SETD9: variants seen among roughly 807,000 people sequenced by gnomAD.
The protein encoded by SETD9 is SET domain-containing protein 9.
In SETD9, 37 loss-of-function variants were observed where a neutral mutation model predicts 36.4. The ratio of observed to expected loss-of-function variants is 1.02; its 90% CI spans 0.78 to 1.34. The LOEUF is 1.34. Ranked by LOEUF, SETD9 falls within the 40% of genes most tolerant of loss-of-function variation. The pLI is 0.00. For synonymous variants in SETD9, 128 were observed against 132.9 expected, an observed-to-expected ratio of 0.96 and a Z score of 0.26; for missense variants, 323 against 353.2, an observed-to-expected ratio of 0.91 and a Z score of 0.69.
chr5:56,923,562 C>T (rs150526244), intron 5 of SETD9: 94 of 1,613,838 alleles, frequency 5.8e-5, no homozygotes, highest in East Asian at 8.9e-5. Flanking sequence ...GGGTCGCAGA[C>T]GGTTGCTACA....
chr5:56,923,505 T>C, intron 5 of SETD9: 1 of 1,614,162 alleles, frequency 6.2e-7, no homozygotes, highest in Non-Finnish European at 8.5e-7. Context: ...CCACGGGGTG[T>C]GTTGCCCAGT....
At chr5:56,914,075 T>G in intron 4 of SETD9, 86 bp downstream of exon 4, 1 of 939,404 alleles carries the variant, frequency 1.1e-6, no homozygotes, top group Non-Finnish European at 1.7e-6. Flanking sequence ...CCAAGGGCAG[T>G]TGAGTATAAC....
downstream of SETD9, among the ~76,000 whole-genome samples, chr5:56,927,039 A>G (rs1206048882): frequency 6.6e-6 from 1 of 152,210 alleles, no homozygotes; most frequent in Non-Finnish European, 1.5e-5. Flanking sequence ...TGAAATGGCA[A>G]CAGTACAGAC....
At chr5:56,919,126 C>CTTT (rs34426416), downstream of SETD9, among the ~76,000 whole-genome samples, 618 of 132,524 alleles carry the variant, frequency 4.7e-3, 14 homozygotes, top group Non-Finnish European at 7.1e-3. Flanking sequence ...TTTGGGACTT[C>CTTT]TTTTTTTTTT....
downstream of SETD9, among the ~76,000 whole-genome samples, chr5:56,927,294 TACC>T (rs1377910450): frequency 3.9e-5 from 6 of 152,258 alleles, no homozygotes; most frequent in East Asian, 1.2e-3. Context: ...TTAACAAATG[TACC>T]ACACTATTAA....
chr5:56,914,984 G>A lies in SETD9; in HGVS notation c.812+18G>A. The A allele has an allele frequency of 6.5e-7, 1 of 1,548,396 alleles. No individual in the cohort carries two copies. ...AAACAAAGGTTCGTTTGCTAAAAGA[G>A]CATTTCATATCTTCTGCTTATGCTG... On this transcript the variant is annotated intron_variant, in intron 5 of 5. Transcript: ENST00000285947.
intron 2 of SETD9, chr5:56,912,359 T>G: frequency 1.7e-6 from 1 of 580,718 alleles, no homozygotes; most frequent in Non-Finnish European, 2.2e-6. Flanking sequence ...GGAAAGTGTG[T>G]GTGTGAATAT....
At position 56,913,921 on chromosome 5, in the gene SETD9, G is replaced by GT; in HGVS notation, c.639dup (p.Thr214TyrfsTer9). 1 of 1,613,988 alleles carries GT rather than the reference G, an allele frequency of 6.2e-7. No homozygotes were observed. The highest frequency in any genetic ancestry group is 8.5e-7 in the Non-Finnish European group (1 of 1,179,900). On this transcript the variant is annotated frameshift_variant, in exon 4 of 6. Transcript: ENST00000285947. LOFTEE classifies it high-confidence loss of function. ...CTCGGCCCTTTAAAAATGAGTGATA[G>GT]TACATGGCTAACGTCAGAAATTCAT...
chr5:56,913,432 G>A (rs975992103), intron 3 of SETD9, among the ~76,000 whole-genome samples: 101 of 149,710 alleles, frequency 6.7e-4, no homozygotes, highest in African/African-American at 2.4e-3. Context: ...CGCCCAGGCT[G>A]GAGTGCAACA....
intron 5 of SETD9, chr5:56,923,766 T>C (rs1290561554): frequency 1.2e-6 from 2 of 1,614,068 alleles, no homozygotes; most frequent in African/African-American, 2.7e-5. Flanking sequence ...CGGTTAGAAG[T>C]TAAGGCTGAA....
intron 5 of SETD9, among the ~76,000 whole-genome samples, chr5:56,915,224 T>G (rs1162706459): frequency 6.6e-6 from 1 of 152,198 alleles, no homozygotes; most frequent in East Asian, 1.9e-4. Flanking sequence ...CCTTAAAGTT[T>G]TTTCAAATAA....
chr5:56,925,998 G>C (rs1749958263), downstream of SETD9, among the ~76,000 whole-genome samples: 1 of 151,976 alleles, frequency 6.6e-6, no homozygotes, highest in Non-Finnish European at 1.5e-5. Flanking sequence ...CATGGAGGAA[G>C]AATGTCTTTT....
chr5:56,914,247 CATT>C (rs1418003794), intron 4 of SETD9, among the ~76,000 whole-genome samples: 6 of 152,282 alleles, frequency 3.9e-5, no homozygotes, highest in South Asian at 4.1e-4. Context: ...CCCCTTTGAT[CATT>C]ATTATTTTAG....
chr5:56,915,015 A>C (rs1749356555), intron 5 of SETD9, 49 bp downstream of exon 5: 2 of 1,316,824 alleles, frequency 1.5e-6, no homozygotes, highest in African/African-American at 3.0e-5. Context: ...TGCTGTACTT[A>C]AAAAAATATA....
chr5:56,921,491 A>G (rs1749671253), downstream of SETD9: 1 of 152,632 alleles, frequency 6.6e-6, no homozygotes. Flanking sequence ...TGCTAAACTA[A>G]ATTTTATACT....
At chr5:56,913,783 A>T in intron 3 of SETD9, 91 bp from the exon 4 acceptor site, 1 of 694,344 alleles carries the variant, frequency 1.4e-6, no homozygotes, top group Non-Finnish European at 2.3e-6. Flanking sequence ...TTTTTTTAAG[A>T]AAAAATGCAC....
At chr5:56,923,430 C>T in intron 5 of SETD9, 1 of 1,614,158 alleles carries the variant, frequency 6.2e-7, no homozygotes, top group Non-Finnish European at 8.5e-7. Context: ...TTAAAACAAT[C>T]ACTTTCCCCA....
downstream of SETD9, chr5:56,921,885 A>G (rs1749690582): frequency 2.6e-5 from 4 of 152,778 alleles, no homozygotes; most frequent in South Asian, 8.3e-4. Context: ...GCATGTTTAT[A>G]GCACAAAAAT....
At chr5:56,923,380 A>C (rs137993138) in intron 5 of SETD9, 126 of 1,614,054 alleles carry the variant, frequency 7.8e-5, no homozygotes, top group Non-Finnish European at 1.0e-4. Flanking sequence ...ACATGTTCAT[A>C]GGGTTTAGCT....
Sources: allele counts gnomAD v4.1 joint callset (sites outside exome capture counted in the v4.1 genomes callset), GRCh38; gene constraint gnomAD v4.1.1; transcripts MANE v1.5; gene names NCBI Gene and HGNC (gene_info 2026-07-23, HGNC 2026-07-21).